Variants in PARD3B observed in about 807,000 individuals in gnomAD.
The protein encoded by PARD3B is par-3 family cell polarity regulator beta.
A neutral mutation model predicts 130.2 loss-of-function variants in PARD3B; 103 were observed. The observed-to-expected ratio is 0.79, with a 90% CI of 0.67 to 0.93. The LOEUF (loss-of-function observed/expected upper bound fraction) is 0.93, where lower values mean the gene tolerates loss of function less well. Among genes scored for constraint, PARD3B ranks in the 40% least tolerant of loss-of-function variants. The pLI is 0.00. For synonymous variants in PARD3B, 583 were observed against 553.2 expected (o/e 1.05, Z -0.76); for missense variants, 1,609 against 1,499.2 (o/e 1.07, Z -1.21).
At chr2:205,499,205 G>A (rs1345648963) in intron 20 of PARD3B, among the ~76,000 whole-genome samples, 1 of 151,916 alleles carries the variant, frequency 6.6e-6, no homozygotes, top group Non-Finnish European at 1.5e-5. Flanking sequence ...GTTTGGGGTT[G>A]GGCAGATGAG....
At chr2:204,723,483 A>G (rs2039085716) in intron 2 of PARD3B, among the ~76,000 whole-genome samples, 1 of 152,166 alleles carries the variant, frequency 6.6e-6, no homozygotes, top group Non-Finnish European at 1.5e-5. Flanking sequence ...TGGATTTTTC[A>G]TTATTCACTA....
At chr2:205,221,420 A>C (rs764645478) in intron 15 of PARD3B, among the ~76,000 whole-genome samples, 2 of 152,184 alleles carry the variant, frequency 1.3e-5, no homozygotes, top group African/African-American at 2.4e-5. Flanking sequence ...AGCTGACTGC[A>C]CACAGTTGAT....
chr2:205,024,162 C>CTTTCT (rs1696841822), intron 3 of PARD3B, among the ~76,000 whole-genome samples: 1 of 98,744 alleles, frequency 1.0e-5, no homozygotes, highest in Non-Finnish European at 2.0e-5. Flanking sequence ...TTCTTTCTTT[C>CTTTCT]TTTTTTTTTT....
At chr2:204,773,450 A>G (rs1164607966) in intron 2 of PARD3B, among the ~76,000 whole-genome samples, 1 of 152,140 alleles carries the variant, frequency 6.6e-6, no homozygotes, top group Non-Finnish European at 1.5e-5. Context: ...TAAATCATAC[A>G]AAATACAATC....
chr2:205,372,652 T>A (rs770150088), intron 18 of PARD3B, among the ~76,000 whole-genome samples: 6 of 152,230 alleles, frequency 3.9e-5, no homozygotes, highest in Non-Finnish European at 5.9e-5. Context: ...TGACTCTGAA[T>A]ATTTATTTCT....
intron 14 of PARD3B, among the ~76,000 whole-genome samples, chr2:205,191,103 C>G (rs971967355): frequency 6.8e-6 from 1 of 148,008 alleles, no homozygotes; most frequent in Non-Finnish European, 1.5e-5. Context: ...GCTACATAAC[C>G]CTAAAGAGAG....
Position 204,829,141 on chromosome 2 carries a change from T to C in PARD3B, c.223-136011T>C, listed in dbSNP as rs2043707363. 2.0e-5 allele frequency among the ~76,000 whole-genome samples: 3 copies of C among 152,232 alleles called. 1 individual carries two copies. The highest frequency in any genetic ancestry group is 1.3e-4 in the Admixed American group (2 of 15,284). On this transcript the variant is annotated intron_variant, in intron 2 of 22. Transcript: ENST00000406610. The stretch of plus-strand genomic sequence containing the variant: ...AAACATAACTGTGAATATGTACTTA[T>C]ATTGAGAAGTGAGCTATATGTTATA...
intron 3 of PARD3B, among the ~76,000 whole-genome samples, chr2:205,046,374 G>A (rs1158771759): frequency 1.3e-5 from 2 of 151,464 alleles, no homozygotes; most frequent in African/African-American, 4.8e-5. Flanking sequence ...ATGTAGTGAT[G>A]TCTCTTAATA....
chr2:205,572,967 A>G lies in PARD3B; in HGVS notation c.3260+19564A>G, dbSNP rs959339498. Among the ~76,000 whole-genome samples the G allele has an allele frequency of 4.6e-5, 7 of 152,192 alleles. No homozygotes were observed. The highest frequency in any genetic ancestry group is 1.0e-4 in the Non-Finnish European group (7 of 68,030). ...TCAGCATGGCTAGGGAGGCCTCAGG[A>G]AACTTACAGTCATGGTAGAGGGGAA... On this transcript the variant is annotated intron_variant, in intron 22 of 22. Transcript: ENST00000406610. This position sits in a 1 kb window ranked among gnomAD's most constrained non-coding sequence, Gnocchi z 4.2.
chr2:205,560,677 C>T (rs2053098879), intron 22 of PARD3B, among the ~76,000 whole-genome samples: 1 of 152,158 alleles, frequency 6.6e-6, no homozygotes, highest in South Asian at 2.1e-4. Context: ...GGGCCACGTT[C>T]GCCTCCAGTC....
chr2:205,539,365 CATTT>C (rs2052016938), intron 21 of PARD3B, among the ~76,000 whole-genome samples: 1 of 152,250 alleles, frequency 6.6e-6, no homozygotes, highest in Middle Eastern at 3.4e-3. Context: ...ATATATCACT[CATTT>C]AATATGTATG....
rs185117551 is a variant in PARD3B, at chr2:205,195,639, A to G, written c.2140+2319A>G. Among the ~76,000 whole-genome samples the G allele has an allele frequency of 1.9e-3, 287 of 152,334 alleles. 1 individual carries two copies. Among genetic ancestry groups the G allele is most frequent in the African/African-American group, 6.6e-3 (275 of 41,574 alleles). On this transcript the variant is annotated intron_variant, in intron 15 of 22. Coordinates refer to ENST00000406610, the MANE Select transcript of PARD3B (RefSeq NM_001302769.2). ...TCCATTTATAGCACTAGGCCAATGTAAGAGATTAATTTATTTGCTCAAAAA... is the reference window on the plus strand; with the variant it reads ...TCCATTTATAGCACTAGGCCAATGTGAGAGATTAATTTATTTGCTCAAAAA...
chr2:205,320,965 G>T (rs1365044357), intron 18 of PARD3B, among the ~76,000 whole-genome samples: 1 of 152,092 alleles, frequency 6.6e-6, no homozygotes, highest in Non-Finnish European at 1.5e-5. Flanking sequence ...TACACTCAGG[G>T]TTTCTAGACC....
intron 15 of PARD3B, 91 bp from the exon 16 acceptor site, chr2:205,245,687 A>T: frequency 9.7e-7 from 1 of 1,031,518 alleles, no homozygotes; most frequent in Non-Finnish European, 1.4e-6. Flanking sequence ...AAAAGATTTA[A>T]CTTATTATGA....
intron 4 of PARD3B, among the ~76,000 whole-genome samples, chr2:205,080,494 A>G (rs1052452473): frequency 6.6e-6 from 1 of 152,106 alleles, no homozygotes; most frequent in Non-Finnish European, 1.5e-5. Flanking sequence ...TCTTCCTTAT[A>G]TTAACTTTTC....
chr2:204,906,665 T>C lies in PARD3B; in HGVS notation c.223-58487T>C, dbSNP rs1186830861. 6.6e-6 allele frequency among the ~76,000 whole-genome samples: 1 copy of C among 152,238 alleles called. No homozygotes were observed. The highest frequency in any genetic ancestry group is 2.4e-5 in the African/African-American group (1 of 41,462). ...AGATATATTAGCAGCCTAACTAATA[T>C]TTGTAAAAAGAGTGAGTTCAAAATT... On this transcript the variant is annotated intron_variant, in intron 2 of 22. Coordinates refer to ENST00000406610, the MANE Select transcript of PARD3B (RefSeq NM_001302769.2). This position sits in a 1 kb window ranked among gnomAD's most constrained non-coding sequence, Gnocchi z 4.3.
intron 4 of PARD3B, among the ~76,000 whole-genome samples, chr2:205,058,059 A>T (rs569542584): frequency 6.6e-6 from 1 of 151,864 alleles, no homozygotes; most frequent in East Asian, 1.9e-4. Flanking sequence ...CTTAAACAGT[A>T]ACTCCTTATT....
intron 1 of PARD3B, among the ~76,000 whole-genome samples, chr2:204,599,432 A>G (rs1208868223): frequency 6.6e-6 from 1 of 151,962 alleles, no homozygotes; most frequent in Non-Finnish European, 1.5e-5. Flanking sequence ...GAGTGAGAAC[A>G]TGTAGTGTTT....
At chr2:204,915,513 T>C (rs2125736028) in intron 2 of PARD3B, among the ~76,000 whole-genome samples, 1 of 152,322 alleles carries the variant, frequency 6.6e-6, no homozygotes, top group South Asian at 2.1e-4. Flanking sequence ...TTTATGTATA[T>C]ATACTAAAAT....
Sources: allele counts gnomAD v4.1 joint callset (sites outside exome capture counted in the v4.1 genomes callset), GRCh38; gene constraint gnomAD v4.1.1; non-coding constraint Gnocchi (gnomAD v3.1); transcripts MANE v1.5; gene names NCBI Gene and HGNC (gene_info 2026-07-23, HGNC 2026-07-21).